ARSL: variants seen among roughly 807,000 people sequenced by gnomAD.
ARSL encodes arylsulfatase L.
A neutral mutation model predicts 31.1 loss-of-function variants in ARSL; 4 were observed. That is an observed-to-expected ratio of 0.13 (90% CI 0.06 to 0.29). ARSL has a LOEUF of 0.29. Among genes scored for constraint, ARSL ranks in the 10% least tolerant of loss-of-function variants. The pLI, the probability that ARSL is intolerant of heterozygous loss-of-function variation, is 1.00. For synonymous variants in ARSL, 198 were observed against 209.9 expected, an observed-to-expected ratio of 0.94 and a Z score of 0.49; for missense variants, 312 against 497.8, an observed-to-expected ratio of 0.63 and a Z score of 3.55.
intron 3 of ARSL, among the ~76,000 whole-genome samples, chrX:2,956,140 G>A (rs1208518581): frequency 8.9e-6 from 1 of 112,202 alleles, no homozygotes; most frequent in Non-Finnish European, 1.9e-5. Flanking sequence ...AGAGCCCAGG[G>A]CACCTTCTCT....
chrX:2,957,145 C>T lies in ARSL; in HGVS notation c.185+1129G>A, dbSNP rs748693668. Among the ~76,000 whole-genome samples, 361 of 106,684 alleles carry T rather than the reference C, an allele frequency of 3.4e-3. 1 individual carries two copies. Among genetic ancestry groups the T allele is most frequent in the African/African-American group, 0.011 (305 of 28,849 alleles). 92.6% of individuals were successfully genotyped at this position (106,684 alleles called of 115,157 possible). On this transcript the variant is annotated intron_variant, in intron 3 of 10. Coordinates refer to ENST00000381134, the MANE Select transcript of ARSL (RefSeq NM_000047.3). ...CTGAGGCAGGAGAATGGCGTGGACC[C>T]GGGAGACGGAGCTGGCAGTGAGCCA... is the stretch of plus-strand genomic sequence containing the variant.
rs1247508232 is a variant in ARSL, at chrX:2,949,502, A to G, written c.656T>C (p.Leu219Pro). The change falls in exon 6 of 11, where the codon CTG becomes CCG. Residue 219 changes from leucine to proline, a missense_variant. Leu to Pro is a moderately conservative substitution (Grantham distance 98). Coordinates refer to ENST00000381134, the MANE Select transcript of ARSL (RefSeq NM_000047.3). ...LTLVAGKLTH[L>P]IPVSWMPVIW... ...GACCGGCATCCACGAGACGGGTATC[A>G]GGTGTGTGAGCTTCCCTGCTACCAG... is the stretch of plus-strand genomic sequence containing the variant. 8.3e-7 allele frequency: 1 copy of G among 1,211,376 alleles called. No individual in the cohort carries two copies. The highest frequency in any genetic ancestry group is 1.1e-6 in the Non-Finnish European group (1 of 895,415).
chrX:2,963,796 G>A (rs1454519263), intron 1 of ARSL, among the ~76,000 whole-genome samples: 1 of 106,793 alleles, frequency 9.4e-6, no homozygotes, highest in Admixed American at 1.0e-4. Flanking sequence ...CACCCGCCTC[G>A]ACCTCCCAAA....
chrX:2,940,876 C>T (rs1157456374), intron 8 of ARSL, among the ~76,000 whole-genome samples: 2 of 111,594 alleles, frequency 1.8e-5, no homozygotes, highest in East Asian at 2.8e-4. Flanking sequence ...GCAAAGGTTG[C>T]GGTGAGCCAA....
chrX:2,936,721 G>A, intron 10 of ARSL, 21 bp downstream of exon 10: 1 of 1,208,981 alleles, frequency 8.3e-7, no homozygotes, highest in South Asian at 1.8e-5. Context: ...AAGGGTGTTA[G>A]GAAGGGGCTC....
chrX:2,953,362 C>A, intron 4 of ARSL, 97 bp from the exon 5 acceptor site: 1 of 1,001,408 alleles, frequency 1.0e-6, no homozygotes, highest in Non-Finnish European at 1.3e-6. Flanking sequence ...TGGTAAAAAT[C>A]TCTCTTACTT....
chrX:2,939,864 C>CTTTT (rs35373572), intron 8 of ARSL, among the ~76,000 whole-genome samples: 10 of 55,410 alleles, frequency 1.8e-4, no homozygotes, highest in Non-Finnish European at 2.2e-4. Flanking sequence ...ACCCTTCTAC[C>CTTTT]TTTTTTTTTT....
At chrX:2,960,543 A>T (rs1201836168) in intron 1 of ARSL, 123 bp from the exon 2 acceptor site, 1 of 638,802 alleles carries the variant, frequency 1.6e-6, no homozygotes, top group Admixed American at 2.8e-5. Flanking sequence ...TAGCAAAAAT[A>T]TCTTAAAACA....
At chrX:2,952,580 A>C (rs2089477206) in intron 5 of ARSL, among the ~76,000 whole-genome samples, 2 of 111,976 alleles carry the variant, frequency 1.8e-5, no homozygotes, top group Admixed American at 9.6e-5. Context: ...AAGGGTTTCA[A>C]CATAGGAATT....
chrX:2,949,163 T>TCAGG, intron 6 of ARSL, 141 bp downstream of exon 6: 1 of 784,069 alleles, frequency 1.3e-6, no homozygotes, highest in Non-Finnish European at 1.9e-6. Flanking sequence ...ACTCCTGACC[T>TCAGG]CAGGCGATCC....
At chrX:2,952,913 T>C (rs184647009) in intron 5 of ARSL, 55 of 284,064 alleles carry the variant, frequency 1.9e-4, no homozygotes, top group African/African-American at 1.5e-3. Context: ...CGCCTCGGCC[T>C]CTCAAAGTAC....
At chrX:2,954,387 C>G (rs1364630237) in intron 4 of ARSL, among the ~76,000 whole-genome samples, 1 of 111,718 alleles carries the variant, frequency 9.0e-6, no homozygotes, top group Non-Finnish European at 1.9e-5. Context: ...TCTCCGCCTC[C>G]CGGGTTCAAG....
intron 5 of ARSL, among the ~76,000 whole-genome samples, chrX:2,952,499 C>CA (rs1280130716): frequency 9.0e-6 from 1 of 111,549 alleles, no homozygotes; most frequent in East Asian, 2.8e-4. Flanking sequence ...TAATCCCACA[C>CA]ATGAGGCTCC....
chrX:2,964,627 G>A (rs1300804068), upstream of ARSL: 1 of 198,494 alleles, frequency 5.0e-6, no homozygotes, highest in Non-Finnish European at 7.5e-6. Flanking sequence ...AGTGTCCTTA[G>A]GTTTTTAAGT....
chrX:2,951,598 G>T (rs187953176), intron 5 of ARSL, among the ~76,000 whole-genome samples: 1,017 of 77,457 alleles, frequency 0.013, 14 homozygotes, highest in African/African-American at 0.047. Flanking sequence ...GGTAGCATGG[G>T]AAGACCCCAT....
chrX:2,954,387 C>T (rs1364630237), intron 4 of ARSL, among the ~76,000 whole-genome samples: 2 of 111,718 alleles, frequency 1.8e-5, no homozygotes, highest in African/African-American at 6.5e-5. Flanking sequence ...TCTCCGCCTC[C>T]CGGGTTCAAG....
chrX:2,947,731 CA>C (rs1365693318), intron 6 of ARSL, among the ~76,000 whole-genome samples: 1 of 111,819 alleles, frequency 8.9e-6, no homozygotes, highest in Non-Finnish European at 1.9e-5. Flanking sequence ...GATCCTGTCA[CA>C]TTTAAAATCA....
At chrX:2,937,912 C>T (rs1333472656) in intron 9 of ARSL, among the ~76,000 whole-genome samples, 183 bp downstream of exon 9, 1 of 112,169 alleles carries the variant, frequency 8.9e-6, no homozygotes, top group African/African-American at 3.2e-5. Context: ...AAATAAAACT[C>T]CTTTCTTTCC....
intron 7 of ARSL, among the ~76,000 whole-genome samples, chrX:2,943,741 CAAAAAAAAAA>C (rs63205261): frequency 2.2e-4 from 3 of 13,725 alleles, no homozygotes; most frequent in Non-Finnish European, 2.6e-4. Context: ...GACTCGGTCT[CAAAAAAAAAA>C]AAAAAAAAAA....
Sources: allele counts gnomAD v4.1 joint callset (sites outside exome capture counted in the v4.1 genomes callset), GRCh38; gene constraint gnomAD v4.1.1; transcripts MANE v1.5; gene names NCBI Gene and HGNC (gene_info 2026-07-23, HGNC 2026-07-21).